Variants in IGF1R observed in about 807,000 individuals in gnomAD.
The protein encoded by IGF1R is insulin-like growth factor 1 receptor.
IGF1R carries 44 observed loss-of-function variants against 144.6 expected under a neutral mutation model. The ratio of observed to expected loss-of-function variants is 0.30; its 90% CI spans 0.24 to 0.39. The LOEUF is 0.39. Among genes scored for constraint, IGF1R ranks in the 10% least tolerant of loss-of-function variants. IGF1R has a pLI of 1.00. For missense variants in IGF1R, 1,355 were observed against 1,833.7 expected (o/e 0.74, Z 4.77); for synonymous variants, 795 against 722.8 (o/e 1.10, Z -1.60).
At chr15:98,670,825 C>G (rs1400208818) in intron 1 of IGF1R, among the ~76,000 whole-genome samples, 2 of 152,164 alleles carry the variant, frequency 1.3e-5, no homozygotes, top group African/African-American at 4.8e-5. Flanking sequence ...TTGCTTTTCT[C>G]CCCCAATCAA....
At chr15:98,870,723 C>G (rs1269087089) in intron 2 of IGF1R, among the ~76,000 whole-genome samples, 1 of 152,174 alleles carries the variant, frequency 6.6e-6, no homozygotes, top group East Asian at 1.9e-4. Context: ...GTGCCCATAC[C>G]AGGAAATTAC....
chr15:98,825,859 TTGAATCCA>T (rs1312064534), intron 2 of IGF1R, among the ~76,000 whole-genome samples: 1 of 152,230 alleles, frequency 6.6e-6, no homozygotes, highest in African/African-American at 2.4e-5. Flanking sequence ...CTGCAGTTGG[TTGAATCCA>T]TGGGTGTGGA....
At chr15:98,869,725 G>A (rs1043689758) in intron 2 of IGF1R, among the ~76,000 whole-genome samples, 4 of 152,054 alleles carry the variant, frequency 2.6e-5, no homozygotes, top group Admixed American at 6.5e-5. Flanking sequence ...ATGAACCACC[G>A]CACTCCCTTG....
intron 2 of IGF1R, among the ~76,000 whole-genome samples, chr15:98,800,310 G>T (rs1326544142): frequency 1.3e-5 from 2 of 152,098 alleles, no homozygotes; most frequent in Non-Finnish European, 2.9e-5. Flanking sequence ...AATATATTAA[G>T]AATTGAAGTT....
intron 2 of IGF1R, among the ~76,000 whole-genome samples, chr15:98,733,275 G>C (rs2054536349): frequency 6.6e-6 from 1 of 152,032 alleles, no homozygotes; most frequent in South Asian, 2.1e-4. Flanking sequence ...GTGCAGTAGA[G>C]GCAATCATGG....
chr15:98,700,908 C>T (rs1286835856), intron 1 of IGF1R, among the ~76,000 whole-genome samples: 12 of 151,766 alleles, frequency 7.9e-5, no homozygotes, highest in Admixed American at 6.6e-4. Flanking sequence ...CTGTCTATTG[C>T]GCTATTAAAA....
At chr15:98,711,284 G>T (rs751596144) in intron 2 of IGF1R, among the ~76,000 whole-genome samples, 2 of 152,210 alleles carry the variant, frequency 1.3e-5, no homozygotes, top group Admixed American at 1.3e-4. Flanking sequence ...GTAATCTTCT[G>T]TTGGCTGGCT....
At chr15:98,652,759 G>T (rs1458486616) in intron 1 of IGF1R, among the ~76,000 whole-genome samples, 3 of 152,134 alleles carry the variant, frequency 2.0e-5, no homozygotes, top group Admixed American at 6.5e-5. Flanking sequence ...GGCTGGGGGC[G>T]GATGGAATGG....
intron 5 of IGF1R, among the ~76,000 whole-genome samples, chr15:98,903,394 C>T (rs1374382757): frequency 6.6e-6 from 1 of 152,184 alleles, no homozygotes; most frequent in African/African-American, 2.4e-5. Flanking sequence ...TTGTTCCTAC[C>T]ACTCGACTGT....
chr15:98,739,328 C>G lies in IGF1R; in HGVS notation c.640+31221C>G, dbSNP rs559780458. Among the ~76,000 whole-genome samples the G allele has an allele frequency of 2.2e-4, 34 of 152,246 alleles. No homozygotes were observed. In the South Asian group the frequency reaches 4.8e-3, roughly 21 times the overall value. On this transcript the variant is annotated intron_variant, in intron 2 of 20. Coordinates refer to ENST00000650285, the MANE Select transcript of IGF1R (RefSeq NM_000875.5). ...GAGAACCTGCTGCTGTCCCGTCTGT[C>G]ATAGCCTTCCTAGCAACTCTTAGGC...
chr15:98,755,028 T>C (rs45591539), intron 2 of IGF1R, among the ~76,000 whole-genome samples: 2,165 of 152,328 alleles, frequency 0.014, 52 homozygotes, highest in African/African-American at 0.049. Context: ...TAAAATTCTC[T>C]TTAATAAAAA....
chr15:98,682,128 GCCA>G (rs1400977947), intron 1 of IGF1R, among the ~76,000 whole-genome samples: 1 of 152,202 alleles, frequency 6.6e-6, no homozygotes, highest in Non-Finnish European at 1.5e-5. Context: ...GGCAGGACCT[GCCA>G]CCATTATTTG....
In IGF1R at chr15:98,707,688, G is replaced by A. The variant is rs1292080642; in HGVS notation, c.221G>A (p.Arg74His). The change falls in exon 2 of 21, where the codon CGC (arginine) becomes CAC (histidine). Residue 74 changes from arginine to histidine, a missense_variant. Arg to His is a conservative substitution (Grantham distance 29, BLOSUM62 0). Around this residue, in one of 7 missense-constraint regions of IGF1R, gnomAD observed 75 missense variants for 160.0 expected, o/e 0.47. Coordinates refer to ENST00000650285, the MANE Select transcript of IGF1R (RefSeq NM_000875.5). The surrounding 1 kb of genome is among the most constrained non-coding windows in gnomAD (Gnocchi z 6.7). ...ISKAEDYRSY[R>H]FPKLTVITEY... ...AAGGCCGAGGACTACCGCAGCTACC[G>A]CTTCCCCAAGCTCACGGTCATTACC... 3.7e-6 allele frequency: 6 copies of A among 1,614,108 alleles called. No homozygotes were observed. The highest frequency in any genetic ancestry group is 1.3e-5 in the African/African-American group (1 of 74,996).
rs1195455962 is a variant in IGF1R, at chr15:98,649,232, TG to T, written c.-349del. 4.6e-6 allele frequency: 1 copy of T among 218,142 alleles called. No individual in the cohort carries two copies. Among genetic ancestry groups the T allele is most frequent in the Non-Finnish European group, 9.2e-6 (1 of 108,752 alleles). The allele number at this position is 218,142 out of a possible 1,614,324, so 13.5% of individuals were successfully genotyped here. On this transcript the variant is annotated 5_prime_UTR_variant, in exon 1 of 21. Coordinates refer to ENST00000650285, the MANE Select transcript of IGF1R (RefSeq NM_000875.5). ...TCCTCGCCTAGGCAGATTTGGGCTT[TG>T]CCCCCTTTCTTTGCAGTTTTCCCCC...
intron 15 of IGF1R, among the ~76,000 whole-genome samples, chr15:98,931,908 G>A (rs1239384816): frequency 6.6e-6 from 1 of 152,168 alleles, no homozygotes; most frequent in Non-Finnish European, 1.5e-5. Context: ...CTTCTAAAAA[G>A]AAAATCAGTA....
chr15:98,725,896 T>C (rs1374520846), intron 2 of IGF1R, among the ~76,000 whole-genome samples: 1 of 152,208 alleles, frequency 6.6e-6, no homozygotes, highest in Admixed American at 6.5e-5. Flanking sequence ...GTCAGACTTA[T>C]TCACTATCAT....
At chr15:98,918,168 G>A (rs2015330919) in intron 10 of IGF1R, among the ~76,000 whole-genome samples, 2 of 152,126 alleles carry the variant, frequency 1.3e-5, no homozygotes, top group Admixed American at 1.3e-4. Flanking sequence ...GCAGATTTTG[G>A]AAACGACCTC....
intron 2 of IGF1R, among the ~76,000 whole-genome samples, chr15:98,842,656 A>G (rs2011195068): frequency 6.6e-6 from 1 of 152,230 alleles, no homozygotes; most frequent in South Asian, 2.1e-4. Context: ...GCCTGGGGAA[A>G]CACTGTCTTT....
intron 20 of IGF1R, chr15:98,954,430 T>C (rs1344797462): frequency 6.6e-6 from 1 of 151,546 alleles, no homozygotes; most frequent in African/African-American, 2.4e-5. Flanking sequence ...TTTTAAAAGA[T>C]GAGTTTTATC....
Sources: gnomAD v4.1 joint callset for allele counts (sites outside exome capture counted in the v4.1 genomes callset) on GRCh38, gnomAD v4.1.1 for gene constraint, gnomAD v4.1.1 regional missense constraint, Gnocchi (gnomAD v3.1) non-coding constraint, MANE v1.5 for transcripts, NCBI Gene and HGNC (gene_info 2026-07-23, HGNC 2026-07-21) for gene names.